The following EXOSC10 variants were observed in gnomAD, a reference collection of about 807,000 sequenced individuals.
EXOSC10 encodes exosome complex component 10.
Under a neutral mutation model 126.6 loss-of-function variants are expected in EXOSC10, and 94 were observed. The ratio of observed to expected loss-of-function variants is 0.74; its 90% CI spans 0.63 to 0.88. The LOEUF (loss-of-function observed/expected upper bound fraction) is 0.88. EXOSC10 is among the 40% of genes least tolerant of loss of function. The pLI, the probability that EXOSC10 is intolerant of heterozygous loss-of-function variation, is 0.00. For missense variants in EXOSC10, 1,041 were observed against 1,100.5 expected, an observed-to-expected ratio of 0.95 and a Z score of 0.77; for synonymous variants, 395 against 400.8, an observed-to-expected ratio of 0.99 and a Z score of 0.17.
intron 9 of EXOSC10, among the ~76,000 whole-genome samples, chr1:11,086,555 C>A (rs904855030): frequency 1.5e-4 from 23 of 151,904 alleles, no homozygotes; most frequent in Admixed American, 1.4e-3. Flanking sequence ...CCAAAATTGA[C>A]CACATAGTTG....
At chr1:11,083,368 C>A (rs1640280184) in intron 9 of EXOSC10, among the ~76,000 whole-genome samples, 1 of 151,944 alleles carries the variant, frequency 6.6e-6, no homozygotes, top group African/African-American at 2.4e-5. Flanking sequence ...TTGAGACCAG[C>A]CTGACCAACA....
chr1:11,067,452 A>AACC lies in EXOSC10; in HGVS notation c.2627+555_2627+556insGGT, dbSNP rs1171380855. On this transcript the variant is annotated intron_variant, in intron 24 of 24. Transcript: ENST00000376936. ...ATCTCAAAGAAGAAAAAAAAAAAAA[A>AACC]CATTAGCCGGGCATGATGGCAGGCA... Among the ~76,000 whole-genome samples the AACC allele has an allele frequency of 3.3e-4, 48 of 147,350 alleles. 1 individual carries two copies. Among genetic ancestry groups the AACC allele is most frequent in the Non-Finnish European group, 5.3e-4 (35 of 66,344 alleles).
Position 11,070,886 on chromosome 1 carries a change from A to G in EXOSC10, c.2316+14T>C, listed in dbSNP as rs1570787936. ...TCGTTTTTCAAAGGAAAAAGGAGAAAAGCTGGCACATACCACGACCTGCTG... is the reference window on the plus strand; with the variant it reads ...TCGTTTTTCAAAGGAAAAAGGAGAAGAGCTGGCACATACCACGACCTGCTG... On this transcript the variant is annotated intron_variant, in intron 21 of 24. Transcript: ENST00000376936. The G allele has an allele frequency of 6.2e-7, 1 of 1,611,294 alleles. No homozygotes were observed. The highest frequency in any genetic ancestry group is 2.2e-5 in the East Asian group (1 of 44,862).
chr1:11,084,247 G>A (rs1353945952), intron 9 of EXOSC10, among the ~76,000 whole-genome samples: 1 of 152,192 alleles, frequency 6.6e-6, no homozygotes, highest in African/African-American at 2.4e-5. Flanking sequence ...CCCACCAACA[G>A]TGTAAAAGTG....
chr1:11,080,979 G>A, intron 11 of EXOSC10, 67 bp from the exon 12 acceptor site: 1 of 1,574,202 alleles, frequency 6.4e-7, no homozygotes, highest in Non-Finnish European at 8.6e-7. Context: ...TCTGGAAAAT[G>A]TTTGGCTCTT....
Position 11,079,705 on chromosome 1 carries a change from T to A in EXOSC10, c.1749+6A>T, listed in dbSNP as rs1485007378. ...CACTGTGCCCAGCCGCAGAAAAGCT[T>A]CTTACCTTGAGCAGGGGCATCTCTC... On this transcript the variant is annotated splice_donor_region_variant and intron_variant, in intron 14 of 24. Coordinates refer to ENST00000376936, the MANE Select transcript of EXOSC10 (RefSeq NM_001001998.3). 1 of 1,611,734 alleles carries A rather than the reference T, an allele frequency of 6.2e-7. No homozygotes were observed. Among genetic ancestry groups the A allele is most frequent in the South Asian group, 1.1e-5 (1 of 90,618 alleles).
chr1:11,087,990 G>A (rs533629944), intron 7 of EXOSC10, 80 bp from the exon 8 acceptor site: 4 of 1,258,116 alleles, frequency 3.2e-6, no homozygotes, highest in Admixed American at 2.0e-5. Context: ...CTACAAGTTT[G>A]AGAAATGACC....
At chr1:11,078,729 G>A (rs1315259345) in intron 14 of EXOSC10, among the ~76,000 whole-genome samples, 1 of 152,234 alleles carries the variant, frequency 6.6e-6, no homozygotes, top group East Asian at 1.9e-4. Flanking sequence ...CTTCACATCT[G>A]GGCCATCGCC....
intron 22 of EXOSC10, 42 bp from the exon 23 acceptor site, chr1:11,068,748 G>C: frequency 6.7e-7 from 1 of 1,497,366 alleles, no homozygotes. Context: ...TCAGGTCAAT[G>C]AGTTACCACA....
chr1:11,077,300 GA>G, intron 16 of EXOSC10, 64 bp downstream of exon 16: 1 of 1,533,326 alleles, frequency 6.5e-7, no homozygotes, highest in Non-Finnish European at 8.9e-7. Flanking sequence ...CAAGCCTACA[GA>G]ATTTTAGACA....
Position 11,077,542 on chromosome 1 carries a change from G to C in EXOSC10, c.1800+59C>G, listed in dbSNP as rs757400227. ...ACAGGCCTCTGTCAGAGGTGTACTT[G>C]CACTGGCTGTGACTTGACGTTTTCC... On this transcript the variant is annotated intron_variant, in intron 15 of 24. Coordinates refer to ENST00000376936, the MANE Select transcript of EXOSC10 (RefSeq NM_001001998.3). The C allele has an allele frequency of 2.5e-6, 4 of 1,607,054 alleles. No homozygotes were observed. In the East Asian group the frequency reaches 6.7e-5, roughly 27 times the overall value.
chr1:11,094,888 C>T (rs543541300), intron 3 of EXOSC10, among the ~76,000 whole-genome samples: 95 of 152,154 alleles, frequency 6.2e-4, no homozygotes, highest in Non-Finnish European at 9.9e-4. Flanking sequence ...GTGTGAGCCA[C>T]CACACCTGGC....
In EXOSC10 at chr1:11,068,017, T is replaced by C. The variant is rs1639212411; in HGVS notation, c.2618A>G (p.Lys873Arg). The C allele has an allele frequency of 6.2e-7, 1 of 1,614,188 alleles. No homozygotes were observed. Among genetic ancestry groups the C allele is most frequent in the Non-Finnish European group, 8.5e-7 (1 of 1,180,022 alleles). ...GCCGTCCACCACATACCTGTCTGACTTTCCAGTTGGAAAGGACATGCTTTT... is the reference window on the plus strand; with the variant it reads ...GCCGTCCACCACATACCTGTCTGACCTTCCAGTTGGAAAGGACATGCTTTT... ...GNKSMSFPTG[K>R]SDRGFRYNWP... Residue 873 changes from lysine to arginine, a missense_variant, in exon 24 of 25, where the codon AAG becomes AGG. Physicochemically the swap from Lys to Arg is conservative, Grantham distance 26. This residue lies in a region of EXOSC10 where 388 missense variants were observed against 415.2 expected (regional missense o/e 0.93). Transcript: ENST00000376936.
At chr1:11,087,117 G>A (rs1246284579) in intron 9 of EXOSC10, among the ~76,000 whole-genome samples, 2 of 152,204 alleles carry the variant, frequency 1.3e-5, no homozygotes, top group Non-Finnish European at 2.9e-5. Context: ...CCATACGCTT[G>A]AAGTCTGAAA....
At chr1:11,081,612 G>A (rs1475208768) in intron 10 of EXOSC10, among the ~76,000 whole-genome samples, 1 of 152,178 alleles carries the variant, frequency 6.6e-6, no homozygotes, top group Non-Finnish European at 1.5e-5. Context: ...ATGGGAACCA[G>A]GTACTTCATA....
rs1051625850 is a variant in EXOSC10, at chr1:11,079,923, A to T, written c.1638-101T>A. 2.8e-5 allele frequency: 26 copies of T among 918,332 alleles called. 1 individual carries two copies. The highest frequency in any genetic ancestry group is 1.9e-4 in the Admixed American group (9 of 46,704). 56.9% of individuals were successfully genotyped at this position (918,332 alleles called of 1,614,324 possible). A position where few individuals can be genotyped will look rare whatever the true frequency, so the allele number is the denominator to read the frequency against. On this transcript the variant is annotated intron_variant, in intron 13 of 24. Coordinates refer to ENST00000376936, the MANE Select transcript of EXOSC10 (RefSeq NM_001001998.3). ...ACTGGGTAAAGCCAGGCTGCCACCT[A>T]AGCTGAAGCTACAGGTAGGTGACTA...
chr1:11,077,649 A>G lies in EXOSC10; in HGVS notation c.1752T>C (p.Ser584=). Residue 584 remains serine (S), a splice_region_variant and synonymous_variant, in exon 15 of 25, where the codon TCT becomes TCC. Coordinates refer to ENST00000376936, the MANE Select transcript of EXOSC10 (RefSeq NM_001001998.3). The part of the protein sequence containing the change: ...QQAREMPLLK[S]EVAAGVKKSG... ...TCTTCTTCACTCCGGCTGCAACTTC[A>G]GACTAAGGAAAAAAACGAAGGGAAT... 6.2e-7 allele frequency: 1 copy of G among 1,606,814 alleles called. No homozygotes were observed. Among genetic ancestry groups the G allele is most frequent in the Non-Finnish European group, 8.5e-7 (1 of 1,174,218 alleles).
chr1:11,076,805 G>C (rs375142573), intron 17 of EXOSC10, 37 bp downstream of exon 17: 2 of 1,456,114 alleles, frequency 1.4e-6, no homozygotes, highest in Admixed American at 1.7e-5. Flanking sequence ...ATCCCAGGGG[G>C]TCCTCATCAC....
chr1:11,092,256 T>TG (rs1049650913), intron 3 of EXOSC10, among the ~76,000 whole-genome samples: 17 of 152,094 alleles, frequency 1.1e-4, no homozygotes, highest in African/African-American at 4.1e-4. Flanking sequence ...CTTGCTCTGT[T>TG]GCCAGGCTGA....
Sources: allele counts gnomAD v4.1 joint callset (sites outside exome capture counted in the v4.1 genomes callset), GRCh38; gene constraint gnomAD v4.1.1; regional missense constraint gnomAD v4.1.1; transcripts MANE v1.5; gene names NCBI Gene and HGNC (gene_info 2026-07-23, HGNC 2026-07-21).